C2CD2: variants seen among roughly 807,000 people sequenced by gnomAD.
The protein encoded by C2CD2 is C2 calcium dependent domain containing 2, also known as C2 domain-containing protein 2.
A neutral mutation model predicts 74.3 loss-of-function variants in C2CD2; 43 were observed. That is an observed-to-expected ratio of 0.58 (90% CI 0.45 to 0.75). The LOEUF (loss-of-function observed/expected upper bound fraction) is 0.75, where lower values mean the gene tolerates loss of function less well. Among genes scored for constraint, C2CD2 ranks in the 30% least tolerant of loss-of-function variants. The pLI is 0.00. For synonymous variants in C2CD2, 422 were observed against 390.7 expected (o/e 1.08, Z -0.94); for missense variants, 801 against 916.3 (o/e 0.87, Z 1.63).
intron 7 of C2CD2, among the ~76,000 whole-genome samples, chr21:41,911,552 T>G (rs2065026179): frequency 6.6e-6 from 1 of 152,004 alleles, no homozygotes; most frequent in African/African-American, 2.4e-5. Flanking sequence ...CCACCATGTC[T>G]GGCTAATTTT....
chr21:41,939,958 C>T lies in C2CD2; in HGVS notation c.378+2189G>A, dbSNP rs1297467954. On this transcript the variant is annotated intron_variant, in intron 2 of 13. Coordinates refer to ENST00000380486, the MANE Select transcript of C2CD2 (RefSeq NM_015500.2). This position sits in a 1 kb window ranked among gnomAD's most constrained non-coding sequence, Gnocchi z 5.5. ...CACAATCGCTGCAGCACTGTCTGTG[C>T]GGACTGAGCATCCCGAATCCGAACA... Among the ~76,000 whole-genome samples, 4 of 152,162 alleles carry T rather than the reference C, an allele frequency of 2.6e-5. No homozygotes were observed. Among genetic ancestry groups the T allele is most frequent in the Non-Finnish European group, 2.9e-5 (2 of 68,036 alleles).
intron 3 of C2CD2, among the ~76,000 whole-genome samples, chr21:41,921,116 T>C (rs2065149732): frequency 6.6e-6 from 1 of 152,200 alleles, no homozygotes; most frequent in African/African-American, 2.4e-5. Flanking sequence ...TGCTGGCTAT[T>C]TAAAACCATG....
chr21:41,908,099 CAT>C (rs1747849176), intron 8 of C2CD2: 1 of 372,800 alleles, frequency 2.7e-6, no homozygotes. Context: ...GGAAGATGGG[CAT>C]AAGCTAAGGA....
At position 41,926,966 on chromosome 21, in the gene C2CD2, T is replaced by C. The variant is rs2065219224; in HGVS notation, c.379-4881A>G. 6.6e-6 allele frequency among the ~76,000 whole-genome samples: 1 copy of C among 152,194 alleles called. No homozygotes were observed. On this transcript the variant is annotated intron_variant, in intron 2 of 13. Transcript: ENST00000380486. This position sits in a 1 kb window ranked among gnomAD's most constrained non-coding sequence, Gnocchi z 8.0. ...ATCATCTGGATTTCCTAGTCAGATG[T>C]CTTTCCCCACTCTGCAAGCGAGTCT...
intron 2 of C2CD2, among the ~76,000 whole-genome samples, chr21:41,932,758 G>A (rs2065273774): frequency 6.7e-6 from 1 of 150,330 alleles, no homozygotes; most frequent in Non-Finnish European, 1.5e-5. Flanking sequence ...GATGACTCAA[G>A]CTGCTCCAAG....
intron 2 of C2CD2, among the ~76,000 whole-genome samples, chr21:41,928,081 G>A (rs1440506731): frequency 1.3e-5 from 2 of 152,230 alleles, no homozygotes; most frequent in African/African-American, 2.4e-5. Flanking sequence ...CTTTCATCAA[G>A]TTTACACTAA....
intron 1 of C2CD2, among the ~76,000 whole-genome samples, chr21:41,952,318 T>C (rs1177280163): frequency 1.3e-5 from 2 of 152,130 alleles, no homozygotes; most frequent in Non-Finnish European, 2.9e-5. Flanking sequence ...TCCATGGCCA[T>C]GTCTTCCAAG....
At chr21:41,950,049 G>C (rs1400081785) in intron 1 of C2CD2, among the ~76,000 whole-genome samples, 1 of 151,996 alleles carries the variant, frequency 6.6e-6, no homozygotes, top group Non-Finnish European at 1.5e-5. Flanking sequence ...ATGACAAGTT[G>C]ATGGGTGCAG....
chr21:41,903,181 C>A lies in C2CD2; in HGVS notation c.1433-1432G>T, dbSNP rs117347699. On this transcript the variant is annotated intron_variant, in intron 11 of 13. Transcript: ENST00000380486. The surrounding 1 kb of genome is among the most constrained non-coding windows in gnomAD (Gnocchi z 4.5). ...ACTCAGGACCCTCCCAGACTGTGCC[C>A]TGAGCCCCTTCATCTGGCTGTGCAT... Among the ~76,000 whole-genome samples, 106 of 152,274 alleles carry A rather than the reference C, an allele frequency of 7.0e-4. 1 individual carries two copies. The highest frequency in any genetic ancestry group is 1.2e-3 in the Non-Finnish European group (83 of 68,026).
intron 2 of C2CD2, among the ~76,000 whole-genome samples, chr21:41,941,314 C>T (rs952894841): frequency 3.9e-5 from 6 of 152,132 alleles, no homozygotes; most frequent in South Asian, 4.1e-4. Flanking sequence ...TAAGCTGATG[C>T]CCCTGCACTC....
rs1287361897 is a variant in C2CD2, at chr21:41,887,798, G to A, written c.*1326C>T. 3 of 152,176 alleles carry A rather than the reference G, an allele frequency of 2.0e-5. No individual in the cohort carries two copies. The highest frequency in any genetic ancestry group is 4.4e-5 in the Non-Finnish European group (3 of 68,034). 9.4% of individuals were successfully genotyped at this position (152,176 alleles called of 1,614,324 possible). A position where few individuals can be genotyped will look rare whatever the true frequency, so the allele number is the denominator to read the frequency against. ...TGACAGAAGCCAAGCTTTCGTAACA[G>A]CCTTTTACATGTCTTTGGAGAAAAG... On this transcript the variant is annotated 3_prime_UTR_variant, in exon 14 of 14. Transcript: ENST00000380486.
rs751397341 is a variant in C2CD2, at chr21:41,921,957, T to C, written c.492+15A>G. The C allele has an allele frequency of 1.5e-5, 24 of 1,550,456 alleles. No individual in the cohort carries two copies. In the Admixed American group the frequency reaches 3.5e-4, roughly 23 times the overall value. ...GTGACGGGTCTCATAACTTGCAAAG[T>C]CTACACATCTTTACCTGTAAATGGA... On this transcript the variant is annotated intron_variant, in intron 3 of 13. Coordinates refer to ENST00000380486, the MANE Select transcript of C2CD2 (RefSeq NM_015500.2).
chr21:41,895,228 C>T lies in C2CD2; in HGVS notation c.1870+3825G>A, dbSNP rs1235402186. On this transcript the variant is annotated intron_variant, in intron 13 of 13. Transcript: ENST00000380486. The surrounding 1 kb of genome is among the most constrained non-coding windows in gnomAD (Gnocchi z 5.0). ...CCGGGGTCTCTGGCCTGCTGCCTGC[C>T]CTGCGGATTTCAGACCTGTCAATCT... Among the ~76,000 whole-genome samples, 2 of 152,176 alleles carry T rather than the reference C, an allele frequency of 1.3e-5. No homozygotes were observed. Among genetic ancestry groups the T allele is most frequent in the Non-Finnish European group, 2.9e-5 (2 of 68,028 alleles).
chr21:41,896,046 A>G (rs1326773329), intron 13 of C2CD2, among the ~76,000 whole-genome samples: 2 of 152,214 alleles, frequency 1.3e-5, no homozygotes, highest in African/African-American at 4.8e-5. Flanking sequence ...AACCTCAGCC[A>G]CAGCACTGTC....
intron 1 of C2CD2, among the ~76,000 whole-genome samples, chr21:41,949,131 T>C (rs941638171): frequency 1.3e-5 from 2 of 151,908 alleles, no homozygotes. Context: ...AGCATCAGCC[T>C]TGGGAGGAGT....
intron 2 of C2CD2, among the ~76,000 whole-genome samples, chr21:41,931,619 C>T (rs1030055864): frequency 1.3e-5 from 2 of 149,730 alleles, no homozygotes; most frequent in African/African-American, 4.9e-5. Context: ...GACGGGGTTT[C>T]ACCATGTTGG....
intron 13 of C2CD2, among the ~76,000 whole-genome samples, chr21:41,896,763 T>A (rs1410433858): frequency 1.4e-5 from 2 of 145,572 alleles, no homozygotes; most frequent in Non-Finnish European, 3.0e-5. Context: ...ACATCCTCTA[T>A]CACCAGTTTT....
chr21:41,921,371 T>C (rs1479576528), intron 3 of C2CD2, among the ~76,000 whole-genome samples: 2 of 152,354 alleles, frequency 1.3e-5, no homozygotes, highest in East Asian at 1.9e-4. Context: ...CTCTGATGAT[T>C]TGGGCAACCA....
chr21:41,889,388 G>A (rs766689100), intron 13 of C2CD2, 44 bp from the exon 14 acceptor site: 4 of 1,357,648 alleles, frequency 2.9e-6, no homozygotes, highest in East Asian at 4.6e-5. Context: ...GGCAGGGAAT[G>A]AGGGGCTGAA....
Sources: allele counts gnomAD v4.1 joint callset (sites outside exome capture counted in the v4.1 genomes callset), GRCh38; gene constraint gnomAD v4.1.1; non-coding constraint Gnocchi (gnomAD v3.1); transcripts MANE v1.5; gene names NCBI Gene and HGNC (gene_info 2026-07-23, HGNC 2026-07-21).